Variants in AKAP12 observed in about 807,000 individuals in gnomAD.
The protein encoded by AKAP12 is A-kinase anchoring protein 12, also known as A-kinase anchor protein 12.
A neutral mutation model predicts 79.9 loss-of-function variants in AKAP12; 32 were observed. That is an observed-to-expected ratio of 0.40 (90% CI 0.30 to 0.54). The LOEUF is 0.54. Among genes scored for constraint, AKAP12 ranks in the 20% least tolerant of loss-of-function variants. The pLI is 0.48. For synonymous variants in AKAP12, 808 were observed against 857.0 expected, an observed-to-expected ratio of 0.94 and a Z score of 1.00; for missense variants, 2,074 against 2,177.0, an observed-to-expected ratio of 0.95 and a Z score of 0.94.
intron 3 of AKAP12, chr6:151,324,038 G>C (rs1164317264): frequency 2.0e-6 from 2 of 985,310 alleles, no homozygotes; most frequent in Non-Finnish European, 2.4e-6. Context: ...ATTGGGAGGA[G>C]AGGAATGGCC....
intron 3 of AKAP12, among the ~76,000 whole-genome samples, chr6:151,313,968 C>T (rs903562539): frequency 6.6e-6 from 1 of 151,924 alleles, no homozygotes; most frequent in African/African-American, 2.4e-5. Context: ...CTGAAGCAGG[C>T]AGCAATCCAC....
chr6:151,240,811 G>GA, intron 2 of AKAP12, 87 bp downstream of exon 2: 1 of 990,892 alleles, frequency 1.0e-6, no homozygotes. Context: ...GATTTCCGCC[G>GA]AGAGAACTTC....
intron 2 of AKAP12, among the ~76,000 whole-genome samples, chr6:151,247,239 A>G (rs1384677067): frequency 6.6e-6 from 1 of 152,096 alleles, no homozygotes; most frequent in Non-Finnish European, 1.5e-5. Flanking sequence ...CATCTCTACA[A>G]AAAATAAAAA....
In AKAP12 at chr6:151,352,502, A is replaced by C. The variant is rs1232082814; in HGVS notation, c.4111A>C (p.Ser1371Arg). 1.1e-5 allele frequency: 17 copies of C among 1,614,102 alleles called. No individual in the cohort carries two copies. The highest frequency in any genetic ancestry group is 1.7e-5 in the Admixed American group (1 of 60,000). ...ETAVTVSEEV[S>R]KQLLQTVNVP... ...AGCTGTTACCGTATCTGAAGAGGTC[A>C]GTAAGCAGCTCCTCCAGACAGTGAA... is the stretch of plus-strand genomic sequence containing the variant. The change falls in exon 4 of 5, where the codon AGT becomes CGT. Residue 1371 changes from serine to arginine, a missense_variant. This residue lies in a region of AKAP12 where 614 missense variants were observed against 665.6 expected (regional missense o/e 0.92). Transcript: ENST00000402676.
Position 151,305,911 on chromosome 6 carries a change from G to A in AKAP12, c.319+8G>A, listed in dbSNP as rs201662069. The A allele has an allele frequency of 4.7e-5, 75 of 1,597,248 alleles. No homozygotes were observed. Among genetic ancestry groups the A allele is most frequent in the Admixed American group, 3.3e-4 (19 of 56,878 alleles). ...AAGTCATTGTCACAGAGGGTAAGCC[G>A]CCCCTCCAGGAACTGGAAGGCACAC... On this transcript the variant is annotated splice_region_variant and intron_variant, in intron 3 of 4. Transcript: ENST00000402676.
intron 3 of AKAP12, among the ~76,000 whole-genome samples, chr6:151,314,744 A>G (rs1777198815): frequency 6.6e-6 from 1 of 152,198 alleles, no homozygotes; most frequent in African/African-American, 2.4e-5. Context: ...GGCTTGCCCA[A>G]GTAACAGTCT....
At position 151,353,590 on chromosome 6, in the gene AKAP12, A is replaced by G. The variant is rs1471874152; in HGVS notation, c.5199A>G (p.Pro1733=). ...AAGAGTCCCCAGATACAAATGGACC[A>G]AAACAAAAAGAGAAGGAGGATGCCC... is the stretch of plus-strand genomic sequence containing the variant. ...LTKESPDTNG[P]KQKEKEDAQE... is the part of the protein sequence containing the mutation. Residue 1733 remains proline, a synonymous_variant, in exon 4 of 5, where the codon CCA becomes CCG. Transcript: ENST00000402676. 1 of 1,614,080 alleles carries G rather than the reference A, an allele frequency of 6.2e-7. No individual in the cohort carries two copies. The highest frequency in any genetic ancestry group is 1.3e-5 in the African/African-American group (1 of 74,930).
chr6:151,353,803 G>C (rs1344927441), intron 4 of AKAP12, 51 bp downstream of exon 4: 21 of 1,313,854 alleles, frequency 1.6e-5, no homozygotes, highest in Non-Finnish European at 2.2e-5. Context: ...GCCAATAGAT[G>C]GCAAATTTGT....
chr6:151,274,162 C>T (rs1488839323), intron 2 of AKAP12, among the ~76,000 whole-genome samples: 2 of 151,948 alleles, frequency 1.3e-5, no homozygotes, highest in Non-Finnish European at 2.9e-5. Flanking sequence ...ACCTCTGCCT[C>T]TTGGGCTTAG....
rs74872050 is a variant in AKAP12 at position 151,249,981 on chromosome 6, A to C, written c.162+9257A>C. Among the ~76,000 whole-genome samples, 297 of 152,334 alleles carry C rather than the reference A, an allele frequency of 1.9e-3. 9 individuals are homozygous for C. In the East Asian group the frequency reaches 0.032, roughly 16 times the overall value. Reference sequence around the variant, plus strand: ...TCACACCTGGTGGGCATGGTGGCTCATGCCTATAATCCCAGCACTTCGGGA... The same window carrying C: ...TCACACCTGGTGGGCATGGTGGCTCCTGCCTATAATCCCAGCACTTCGGGA... On this transcript the variant is annotated intron_variant, in intron 2 of 4. Coordinates refer to ENST00000402676, the MANE Select transcript of AKAP12 (RefSeq NM_005100.4).
chr6:151,273,436 G>A (rs1776230684), intron 2 of AKAP12, among the ~76,000 whole-genome samples: 1 of 152,160 alleles, frequency 6.6e-6, no homozygotes, highest in South Asian at 2.1e-4. Flanking sequence ...TTCACATCCA[G>A]TGATGACTCT....
At chr6:151,338,429 C>A (rs1432493940) in intron 3 of AKAP12, among the ~76,000 whole-genome samples, 2 of 150,860 alleles carry the variant, frequency 1.3e-5, no homozygotes, top group Non-Finnish European at 2.9e-5. Flanking sequence ...TTTCTTTTGC[C>A]TATATCAATT....
Position 151,340,235 on chromosome 6 carries a change from GT to G in AKAP12, c.320-8459del, listed in dbSNP as rs35700566. On this transcript the variant is annotated intron_variant, in intron 3 of 4. Coordinates refer to ENST00000402676, the MANE Select transcript of AKAP12 (RefSeq NM_005100.4). ...TCATGAGCCACCGCGCCCAGCGGTG[GT>G]TTTTTTTTTTTTTTTTAGTGCTGAA... 2.3e-3 allele frequency among the ~76,000 whole-genome samples: 306 copies of G among 133,608 alleles called. 2 individuals are homozygous for G. The highest frequency in any genetic ancestry group is 6.2e-3 in the South Asian group (26 of 4,218). 87.7% of individuals were successfully genotyped at this position (133,608 alleles called of 152,430 possible). A position where few individuals can be genotyped will look rare whatever the true frequency, so the allele number is the denominator to read the frequency against.
chr6:151,334,771 G>A (rs768049633), intron 3 of AKAP12, among the ~76,000 whole-genome samples: 2 of 151,520 alleles, frequency 1.3e-5, no homozygotes, highest in Admixed American at 6.6e-5. Context: ...ACAGGCGCCC[G>A]CCACCATGTT....
At chr6:151,342,270 A>G (rs1777972012) in intron 3 of AKAP12, among the ~76,000 whole-genome samples, 1 of 152,256 alleles carries the variant, frequency 6.6e-6, no homozygotes, top group African/African-American at 2.4e-5. Flanking sequence ...GTGATGGGGC[A>G]GGCTGGAAAG....
At position 151,358,125 on chromosome 6, in the gene AKAP12, G is replaced by A. The variant is rs950643159; in HGVS notation, c.*2411G>A. The A allele has an allele frequency of 1.3e-5, 2 of 152,160 alleles. No homozygotes were observed. The highest frequency in any genetic ancestry group is 4.8e-5 in the African/African-American group (2 of 41,434). The allele number at this position is 152,160 out of a possible 1,614,324, so 9.4% of individuals were successfully genotyped here. ...CAACAGTAGCATGAAATATAATACTGTTTTATAATTCTAAAGCTGCTGTTA... is the reference window on the plus strand; with the variant it reads ...CAACAGTAGCATGAAATATAATACTATTTTATAATTCTAAAGCTGCTGTTA... On this transcript the variant is annotated 3_prime_UTR_variant, in exon 5 of 5. Transcript: ENST00000402676.
At chr6:151,334,846 A>G (rs1777772587) in intron 3 of AKAP12, among the ~76,000 whole-genome samples, 4 of 151,574 alleles carry the variant, frequency 2.6e-5, no homozygotes, top group Admixed American at 2.6e-4. Flanking sequence ...GATGGTCTTG[A>G]TCTCCTGACC....
intron 3 of AKAP12, among the ~76,000 whole-genome samples, chr6:151,317,087 C>T (rs1235532314): frequency 6.6e-6 from 1 of 152,186 alleles, no homozygotes; most frequent in African/African-American, 2.4e-5. Context: ...CAGTTCAGCT[C>T]ATAACACCGC....
chr6:151,345,953 GAGAGAGAGAGAA>G (rs1778091238), intron 3 of AKAP12, among the ~76,000 whole-genome samples: 2 of 150,790 alleles, frequency 1.3e-5, no homozygotes, highest in Non-Finnish European at 2.9e-5. Flanking sequence ...GAGAGAGAGA[GAGAGAGAGAGAA>G]AGGAGAGACA....
Sources: allele counts gnomAD v4.1 joint callset (sites outside exome capture counted in the v4.1 genomes callset), GRCh38; gene constraint gnomAD v4.1.1; regional missense constraint gnomAD v4.1.1; transcripts MANE v1.5; gene names NCBI Gene and HGNC (gene_info 2026-07-23, HGNC 2026-07-21).